Variants in EBF1 observed in about 807,000 individuals in gnomAD.
EBF1 encodes the protein EBF transcription factor 1.
In EBF1, 10 loss-of-function variants were observed where a neutral mutation model predicts 68.4. The ratio of observed to expected loss-of-function variants is 0.15; its 90% confidence interval spans 0.09 to 0.25. EBF1 has a LOEUF of 0.25. Ranked by LOEUF, EBF1 falls within the 10% of genes least tolerant of loss-of-function variation. The pLI is 1.00. For synonymous variants in EBF1, 298 were observed against 299.8 expected (o/e 0.99, Z 0.06); for missense variants, 509 against 794.4 (o/e 0.64, Z 4.32).
chr5:158,913,668 G>A (rs1469791772), intron 6 of EBF1, among the ~76,000 whole-genome samples: 1 of 152,208 alleles, frequency 6.6e-6, no homozygotes, highest in Non-Finnish European at 1.5e-5. Context: ...CCCTCGGTAT[G>A]GGTTTGGCAA....
chr5:159,092,258 T>C (rs756401145), intron 4 of EBF1, among the ~76,000 whole-genome samples: 41 of 152,222 alleles, frequency 2.7e-4, no homozygotes, highest in Non-Finnish European at 4.9e-4. Flanking sequence ...AAAACAGTAA[T>C]GACACGAAAA....
At chr5:158,963,058 A>G (rs972315892) in intron 6 of EBF1, among the ~76,000 whole-genome samples, 1 of 152,244 alleles carries the variant, frequency 6.6e-6, no homozygotes, top group African/African-American at 2.4e-5. Context: ...CATTCTGGCC[A>G]GTCAAGGTTT....
chr5:158,816,793 G>GA (rs201390078), intron 8 of EBF1, among the ~76,000 whole-genome samples: 70 of 150,246 alleles, frequency 4.7e-4, no homozygotes, highest in South Asian at 1.7e-3. Flanking sequence ...GAAGCCATCT[G>GA]AAAAAAAAAG....
chr5:159,013,944 T>C (rs1185692439), intron 6 of EBF1, among the ~76,000 whole-genome samples: 4 of 152,152 alleles, frequency 2.6e-5, no homozygotes, highest in Admixed American at 2.6e-4. Flanking sequence ...TGGATAGATA[T>C]AAATATAGAT....
At chr5:158,974,544 T>A (rs896400840) in intron 6 of EBF1, among the ~76,000 whole-genome samples, 6 of 152,216 alleles carry the variant, frequency 3.9e-5, no homozygotes. Flanking sequence ...TGTAGACAAT[T>A]TCTTGAATAC....
intron 6 of EBF1, among the ~76,000 whole-genome samples, chr5:158,875,324 AT>A (rs1278226704): frequency 6.6e-6 from 1 of 152,166 alleles, no homozygotes; most frequent in East Asian, 1.9e-4. Context: ...ATTCCAAGTG[AT>A]TTTTTTAACC....
At chr5:158,865,543 T>C (rs1214167113) in intron 6 of EBF1, among the ~76,000 whole-genome samples, 1 of 152,208 alleles carries the variant, frequency 6.6e-6, no homozygotes, top group Non-Finnish European at 1.5e-5. Flanking sequence ...ATGATGATGA[T>C]AATGGTGATA....
At chr5:158,830,852 T>C (rs1376318458) in intron 7 of EBF1, among the ~76,000 whole-genome samples, 1 of 152,188 alleles carries the variant, frequency 6.6e-6, no homozygotes, top group Non-Finnish European at 1.5e-5. Flanking sequence ...ACCTACAGGA[T>C]GTCATGGAGT....
chr5:158,801,128 C>T (rs1479940285), intron 8 of EBF1, among the ~76,000 whole-genome samples: 1 of 152,062 alleles, frequency 6.6e-6, no homozygotes, highest in African/African-American at 2.4e-5. Flanking sequence ...ATTTTCCTTC[C>T]TTCAAACTAT....
chr5:158,803,081 G>A (rs540251681), intron 8 of EBF1, among the ~76,000 whole-genome samples: 43 of 152,144 alleles, frequency 2.8e-4, no homozygotes, highest in Admixed American at 5.9e-4. Context: ...ATATTAATGG[G>A]AAACTTTTCA....
At chr5:158,828,356 C>T (rs1786683528) in intron 7 of EBF1, among the ~76,000 whole-genome samples, 1 of 152,046 alleles carries the variant, frequency 6.6e-6, no homozygotes. Context: ...TCAGATAGGG[C>T]TTTGATTACT....
intron 7 of EBF1, among the ~76,000 whole-genome samples, chr5:158,826,756 GA>G (rs1433974142): frequency 6.6e-6 from 1 of 152,122 alleles, no homozygotes; most frequent in African/African-American, 2.4e-5. Context: ...AAGAGAACGA[GA>G]AGGGCAAAAA....
chr5:158,841,328 T>A (rs1582443943), intron 6 of EBF1, among the ~76,000 whole-genome samples: 1 of 152,226 alleles, frequency 6.6e-6, no homozygotes, highest in East Asian at 1.9e-4. Context: ...GGCATTCATG[T>A]CTACCACCTG....
At chr5:158,903,662 G>T (rs1372433217) in intron 6 of EBF1, among the ~76,000 whole-genome samples, 4 of 152,104 alleles carry the variant, frequency 2.6e-5, no homozygotes, top group Non-Finnish European at 5.9e-5. Context: ...TTTTCAAAGT[G>T]AATTCAGTTT....
chr5:158,967,298 G>A (rs1277935972), intron 6 of EBF1, among the ~76,000 whole-genome samples: 1 of 152,116 alleles, frequency 6.6e-6, no homozygotes, highest in African/African-American at 2.4e-5. Flanking sequence ...TCTTATTTTG[G>A]AAAGGCTAAA....
rs569565889 is a variant in EBF1, at chr5:158,918,492, C to A, written c.555-78382G>T. On this transcript the variant is annotated intron_variant, in intron 6 of 15. Coordinates refer to ENST00000313708, the MANE Select transcript of EBF1 (RefSeq NM_024007.5). ...ACTGATACTGGGGAAGAATGGATTA[C>A]CATTAGTGTTACGAGACAGAGAATT... Among the ~76,000 whole-genome samples, 4 of 143,684 alleles carry A rather than the reference C, an allele frequency of 2.8e-5. No individual in the cohort carries two copies. In the South Asian group the frequency reaches 8.6e-4, roughly 31 times the overall value. The allele number at this position is 143,684 out of a possible 152,430, so 94.3% of individuals were successfully genotyped here. A position where few individuals can be genotyped will look rare whatever the true frequency, so the allele number is the denominator to read the frequency against.
At chr5:158,705,776 C>T (rs931848279) in intron 15 of EBF1, among the ~76,000 whole-genome samples, 2 of 152,196 alleles carry the variant, frequency 1.3e-5, no homozygotes, top group African/African-American at 4.8e-5. Context: ...CATGAGAAGA[C>T]ATCGGGCCTC....
intron 10 of EBF1, among the ~76,000 whole-genome samples, chr5:158,738,352 A>G (rs1765633625): frequency 6.6e-6 from 1 of 152,270 alleles, no homozygotes; most frequent in South Asian, 2.1e-4. Flanking sequence ...GTCTTTCAGT[A>G]TACATATTTC....
intron 8 of EBF1, among the ~76,000 whole-genome samples, chr5:158,816,296 A>G (rs1311635618): frequency 1.3e-5 from 2 of 152,282 alleles, no homozygotes; most frequent in Non-Finnish European, 2.9e-5. Flanking sequence ...GGCTAGGCCA[A>G]TATGAAATGG....
Sources: allele counts gnomAD v4.1 joint callset (sites outside exome capture counted in the v4.1 genomes callset), GRCh38; gene constraint gnomAD v4.1.1; transcripts MANE v1.5; gene names NCBI Gene and HGNC (gene_info 2026-07-23, HGNC 2026-07-21).